Variants in SRI observed in about 807,000 individuals in gnomAD.
SRI encodes sorcin.
Under a neutral mutation model 33.3 loss-of-function variants are expected in SRI, and 30 were observed. The ratio of observed to expected loss-of-function variants is 0.90; its 90% CI spans 0.67 to 1.22. The LOEUF is 1.22. Ranked by LOEUF, SRI falls within the 50% of genes most tolerant of loss-of-function variation. The pLI, the probability that SRI is intolerant of heterozygous loss-of-function variation, is 0.00. For synonymous variants in SRI, 75 were observed against 89.9 expected (o/e 0.83, Z 0.94); for missense variants, 243 against 250.8 (o/e 0.97, Z 0.21).
At chr7:88,210,652 G>C (rs1851553672) in intron 4 of SRI, 1 of 511,498 alleles carries the variant, frequency 2.0e-6, no homozygotes. Flanking sequence ...CTCTGTACTT[G>C]TTCTATAATA....
Position 88,220,007 on chromosome 7 carries a change from G to A in SRI, c.20C>T (p.Pro7Leu), listed in dbSNP as rs1349627920. 6.5e-7 allele frequency: 1 copy of A among 1,534,996 alleles called. No homozygotes were observed. Among genetic ancestry groups the A allele is most frequent in the Non-Finnish European group, 8.7e-7 (1 of 1,145,712 alleles). Reference protein sequence around the residue: MAYPGHPGAGGGYYPGG... With the variant: MAYPGHLGAGGGYYPGG... Reference sequence around the variant, plus strand: ...TGGGTAGTACCCGCCGCCGGCGCCAGGATGCCCCGGGTACGCCATGCTGCA... The same window carrying A: ...TGGGTAGTACCCGCCGCCGGCGCCAAGATGCCCCGGGTACGCCATGCTGCA... The change falls in exon 1 of 8, where the codon CCT becomes CTT. Residue 7 changes from proline to leucine, a missense_variant. By Grantham distance (98) the Pro-to-Leu change is moderately conservative (BLOSUM62 -3). Transcript: ENST00000265729.
intron 6 of SRI, 150 bp from the exon 7 acceptor site, chr7:88,208,715 C>T (rs952240349): frequency 4.3e-6 from 5 of 1,159,058 alleles, no homozygotes; most frequent in Non-Finnish European, 6.1e-6. Flanking sequence ...AGCAAAGAAG[C>T]CAACTATATG....
chr7:88,206,310 T>C lies in SRI; in HGVS notation c.*168A>G. ...CTTATTAAAGTTCCAAAGAATTTAT[T>C]ATCAAAACTAAAACAAAACTTCAGT... On this transcript the variant is annotated 3_prime_UTR_variant, in exon 8 of 8. Transcript: ENST00000265729. The C allele has an allele frequency of 2.6e-6, 2 of 770,588 alleles. No homozygotes were observed. The highest frequency in any genetic ancestry group is 2.2e-6 in the Non-Finnish European group (1 of 453,054). The allele number at this position is 770,588 out of a possible 1,614,324, so 47.7% of individuals were successfully genotyped here. A position where few individuals can be genotyped will look rare whatever the true frequency, so the allele number is the denominator to read the frequency against.
intron 4 of SRI, 100 bp downstream of exon 4, chr7:88,210,782 A>T: frequency 8.6e-7 from 1 of 1,161,970 alleles, no homozygotes; most frequent in Non-Finnish European, 1.2e-6. Flanking sequence ...CTTTTTAGTG[A>T]TCATTTATTA....
chr7:88,206,484 A>C lies in SRI; in HGVS notation c.591T>G (p.Ser197Arg), dbSNP rs1435264391. The stretch of plus-strand genomic sequence containing the variant: ...CATGCAGCTTCCTCTTGATTTAAAC[A>C]CTCATGACACATTGAATGAACTGAA... ...PYDDFIQCVM[S>R]V is the part of the protein sequence containing the mutation. The change falls in exon 8 of 8, where the codon AGT (serine) becomes AGG (arginine). Residue 197 changes from serine to arginine, a missense_variant. Physicochemically the swap from Ser to Arg is moderately radical, Grantham distance 110. Coordinates refer to ENST00000265729, the MANE Select transcript of SRI (RefSeq NM_003130.4). 2.5e-6 allele frequency: 4 copies of C among 1,613,806 alleles called. No individual in the cohort carries two copies. The highest frequency in any genetic ancestry group is 3.4e-6 in the Non-Finnish European group (4 of 1,179,882).
At chr7:88,224,302 A>G (rs955474704), upstream of SRI, among the ~76,000 whole-genome samples, 3 of 152,246 alleles carry the variant, frequency 2.0e-5, no homozygotes, top group Non-Finnish European at 4.4e-5. Flanking sequence ...CTCTACATAT[A>G]GTATCCAACC....
chr7:88,213,400 T>G (rs961651799), intron 3 of SRI, among the ~76,000 whole-genome samples: 6 of 152,232 alleles, frequency 3.9e-5, no homozygotes, highest in African/African-American at 1.4e-4. Context: ...TCATGGAGAA[T>G]TTCTCAATTT....
At position 88,210,898 on chromosome 7, in the gene SRI, A is replaced by G; in HGVS notation, c.233T>C (p.Met78Thr). ...AAAGGATACATCCAGCATTGAAACC[A>G]TAAGCCGGCAAGTCTCCAGGTTAAA... is the stretch of plus-strand genomic sequence containing the variant. ...KPFNLETCRL[M>T]VSMLDRDMSG... The change falls in exon 4 of 8, where the codon ATG becomes ACG. Residue 78 changes from methionine to threonine, a missense_variant. Met to Thr is a moderately conservative substitution (Grantham distance 81). Transcript: ENST00000265729. 1 of 1,613,664 alleles carries G rather than the reference A, an allele frequency of 6.2e-7. No individual in the cohort carries two copies. Among genetic ancestry groups the G allele is most frequent in the Non-Finnish European group, 8.5e-7 (1 of 1,179,748 alleles).
intron 5 of SRI, 96 bp downstream of exon 5, chr7:88,209,887 A>G: frequency 6.5e-7 from 1 of 1,527,954 alleles, no homozygotes; most frequent in Middle Eastern, 1.7e-4. Context: ...AAGTGCTGGG[A>G]TTACAGGTGT....
intron 3 of SRI, among the ~76,000 whole-genome samples, chr7:88,213,318 G>A (rs1397002008): frequency 1.3e-5 from 2 of 152,120 alleles, no homozygotes; most frequent in Non-Finnish European, 1.5e-5. Flanking sequence ...ACCTTAACTG[G>A]TACATAAGGT....
chr7:88,220,057 C>A (rs762502724), upstream of SRI: 3 of 1,515,408 alleles, frequency 2.0e-6, no homozygotes, highest in Admixed American at 4.1e-5. Flanking sequence ...CGCCCTCGCC[C>A]TGTGCGCCAG....
chr7:88,225,385 A>T (rs572512346), intron 1 of SRI, among the ~76,000 whole-genome samples: 31 of 152,354 alleles, frequency 2.0e-4, no homozygotes, highest in Admixed American at 1.6e-3. Flanking sequence ...AGGGCTGTCA[A>T]AAATGACCTT....
chr7:88,225,143 C>A (rs1851968351), intron 1 of SRI, among the ~76,000 whole-genome samples: 1 of 152,208 alleles, frequency 6.6e-6, no homozygotes, highest in Non-Finnish European at 1.5e-5. Flanking sequence ...TCCCATGTTC[C>A]TGTTCCTACA....
chr7:88,223,905 A>G (rs1563479816), upstream of SRI, among the ~76,000 whole-genome samples: 1 of 152,174 alleles, frequency 6.6e-6, no homozygotes, highest in East Asian at 1.9e-4. Flanking sequence ...ACGATTTACT[A>G]AGTCCTAAAA....
At chr7:88,215,038 C>T (rs1240869501) in intron 3 of SRI, 1 of 439,584 alleles carries the variant, frequency 2.3e-6, no homozygotes, top group African/African-American at 2.0e-5. Flanking sequence ...TCCTTTTAAA[C>T]TGGTTAAGAA....
chr7:88,213,760 T>C (rs1213282052), intron 3 of SRI, among the ~76,000 whole-genome samples: 1 of 152,190 alleles, frequency 6.6e-6, no homozygotes, highest in African/African-American at 2.4e-5. Flanking sequence ...ACTTTATATG[T>C]ACAACCCTCT....
rs4728737 is a variant in SRI at position 88,210,213 on chromosome 7, A to G, written c.250-83T>C. ...AAAGATCAAGGATAAGGGGAATTCAATATTCAATGGCTAAAAAAGTTATTG... is the reference window on the plus strand; with the variant it reads ...AAAGATCAAGGATAAGGGGAATTCAGTATTCAATGGCTAAAAAAGTTATTG... On this transcript the variant is annotated intron_variant, in intron 4 of 7. Transcript: ENST00000265729. 83,066 of 1,440,160 alleles carry G rather than the reference A, an allele frequency of 0.058. 2,633 individuals carry two copies. Among genetic ancestry groups the G allele is most frequent in the South Asian group, 0.11 (9,637 of 87,320 alleles). 89.2% of individuals were successfully genotyped at this position (1,440,160 alleles called of 1,614,324 possible). A position where few individuals can be genotyped will look rare whatever the true frequency, so the allele number is the denominator to read the frequency against.
Position 88,206,433 on chromosome 7 carries a change from G to A in SRI, c.*45C>T. 1 of 1,611,664 alleles carries A rather than the reference G, an allele frequency of 6.2e-7. No individual in the cohort carries two copies. Among genetic ancestry groups the A allele is most frequent in the African/African-American group, 1.3e-5 (1 of 74,976 alleles). On this transcript the variant is annotated 3_prime_UTR_variant, in exon 8 of 8. Transcript: ENST00000265729. The stretch of plus-strand genomic sequence containing the variant: ...AGGCAAAGAGGACAAGCAAAGGAGA[G>A]CTCCAGTTGGAATGTTGATTACATT...
chr7:88,209,410 C>T lies in SRI; in HGVS notation c.440G>A (p.Arg147Gln), dbSNP rs748393938. 1.7e-5 allele frequency: 28 copies of T among 1,613,898 alleles called. No homozygotes were observed. The highest frequency in any genetic ancestry group is 2.1e-5 in the Non-Finnish European group (25 of 1,179,946). Residue 147 changes from arginine to glutamine, a missense_variant, in exon 6 of 8, where the codon CGA becomes CAA. Arg to Gln is a conservative substitution (Grantham distance 43, BLOSUM62 1). Coordinates refer to ENST00000265729, the MANE Select transcript of SRI (RefSeq NM_003130.4). ...SPQAVNSIAK[R>Q]YSTNGKITFD... is the part of the protein sequence containing the mutation. ...GGTGATCTTTCCATTGGTGCTGTATCGTTTTGCAATTGAATTCACAGCCTG... is the reference window on the plus strand; with the variant it reads ...GGTGATCTTTCCATTGGTGCTGTATTGTTTTGCAATTGAATTCACAGCCTG...
Sources: gnomAD v4.1 joint callset for allele counts (sites outside exome capture counted in the v4.1 genomes callset) on GRCh38, gnomAD v4.1.1 for gene constraint, MANE v1.5 for transcripts, NCBI Gene and HGNC (gene_info 2026-07-23, HGNC 2026-07-21) for gene names.